CACNA1B: variants seen among roughly 807,000 people sequenced by gnomAD.
CACNA1B encodes the protein calcium voltage-gated channel subunit alpha1 B, also known as voltage-dependent N-type calcium channel subunit alpha-1B.
Under a neutral mutation model 247.2 loss-of-function variants are expected in CACNA1B, and 70 were observed. The observed-to-expected ratio is 0.28, with a 90% CI of 0.23 to 0.35. The LOEUF is 0.35. Among genes scored for constraint, CACNA1B ranks in the 10% least tolerant of loss-of-function variants. The pLI, the probability that CACNA1B is intolerant of heterozygous loss-of-function variation, is 1.00. For missense variants in CACNA1B, 2,367 were observed against 3,197.4 expected (o/e 0.74, Z 6.26); for synonymous variants, 1,231 against 1,294.4 (o/e 0.95, Z 1.05).
chr9:137,916,297 T>G (rs989169643), intron 5 of CACNA1B, among the ~76,000 whole-genome samples: 4 of 152,134 alleles, frequency 2.6e-5, no homozygotes, highest in Non-Finnish European at 5.9e-5. Flanking sequence ...CCTCCCAAAG[T>G]GCTAGGATTA....
intron 20 of CACNA1B, among the ~76,000 whole-genome samples, chr9:138,036,762 T>G (rs1959052239): frequency 6.6e-6 from 1 of 152,228 alleles, no homozygotes; most frequent in African/African-American, 2.4e-5. Flanking sequence ...GTGCTCCGTC[T>G]CCACCCACAT....
intron 6 of CACNA1B, among the ~76,000 whole-genome samples, chr9:137,924,291 G>A (rs1957525561): frequency 6.7e-6 from 1 of 148,522 alleles, no homozygotes; most frequent in Admixed American, 6.7e-5. Context: ...TGAGGTTTTT[G>A]CCTGCCTGCC....
rs1367848588 is a variant in CACNA1B, at chr9:137,913,225, G to A, written c.576G>A (p.Arg192=). Residue 192 remains arginine, a synonymous_variant, in exon 4 of 47, where the codon AGG becomes AGA. Coordinates refer to ENST00000371372, the MANE Select transcript of CACNA1B (RefSeq NM_000718.4). This position sits in a 1 kb window ranked among gnomAD's most constrained non-coding sequence, Gnocchi z 5.2. ...CTGACTTCGACCTGCGAACACTGAG[G>A]GCTGTGCGTGTGCTGAGGCCCCTGA... ...AGTDFDLRTL[R]AVRVLRPLKL... is the part of the protein sequence containing the mutation. 1.2e-6 allele frequency: 2 copies of A among 1,613,814 alleles called. No individual in the cohort carries two copies. The highest frequency in any genetic ancestry group is 1.7e-6 in the Non-Finnish European group (2 of 1,179,876).
chr9:138,052,984 G>A lies in CACNA1B; in HGVS notation c.3807+796G>A, dbSNP rs1361324435. Among the ~76,000 whole-genome samples the A allele has an allele frequency of 1.3e-4, 20 of 152,228 alleles. No homozygotes were observed. ...TCTTCCCAGCTCTGAGAGCAGCATT[G>A]TGTGCACAGGGAATGCTGAGCTTCC... is the stretch of plus-strand genomic sequence containing the variant. On this transcript the variant is annotated intron_variant, in intron 25 of 46. Transcript: ENST00000371372. The surrounding 1 kb of genome is among the most constrained non-coding windows in gnomAD (Gnocchi z 5.1).
chr9:137,935,122 C>G (rs1358590471), intron 6 of CACNA1B, among the ~76,000 whole-genome samples: 1 of 152,010 alleles, frequency 6.6e-6, no homozygotes, highest in Non-Finnish European at 1.5e-5. Flanking sequence ...TTTCATTATA[C>G]TTTAAGTTCT....
chr9:137,966,256 G>A (rs1428766869), intron 10 of CACNA1B, among the ~76,000 whole-genome samples: 1 of 137,822 alleles, frequency 7.3e-6, no homozygotes, highest in African/African-American at 2.7e-5. Context: ...ACAGAGTCTT[G>A]CTCTGTTGCC....
intron 3 of CACNA1B, among the ~76,000 whole-genome samples, chr9:137,906,032 C>T (rs1957295354): frequency 6.6e-6 from 1 of 152,202 alleles, no homozygotes; most frequent in Non-Finnish European, 1.5e-5. Context: ...CTGGAGGCCT[C>T]AGAGGCCCAG....
At position 137,891,813 on chromosome 9, in the gene CACNA1B, C is replaced by T. The variant is rs2133242922; in HGVS notation, c.530+8930C>T. 3 of 354,244 alleles carry T rather than the reference C, an allele frequency of 8.5e-6. No individual in the cohort carries two copies. Among genetic ancestry groups the T allele is most frequent in the Admixed American group, 7.6e-5 (2 of 26,348 alleles). The allele number at this position is 354,244 out of a possible 1,614,324, so 21.9% of individuals were successfully genotyped here. A position where few individuals can be genotyped will look rare whatever the true frequency, so the allele number is the denominator to read the frequency against. On this transcript the variant is annotated intron_variant, in intron 3 of 46. Transcript: ENST00000371372. The surrounding 1 kb of genome is among the most constrained non-coding windows in gnomAD (Gnocchi z 4.3). Reference sequence around the variant, plus strand: ...CCCCACACGTGCTGAAGCATCTCTACTCCAGCCAGACGGACGCTAACGCAG... The same window carrying T: ...CCCCACACGTGCTGAAGCATCTCTATTCCAGCCAGACGGACGCTAACGCAG...
intron 20 of CACNA1B, among the ~76,000 whole-genome samples, chr9:138,038,615 C>CCAGTCAGTCTGG (rs1959076391): frequency 2.0e-5 from 3 of 152,218 alleles, no homozygotes; most frequent in African/African-American, 7.2e-5. Flanking sequence ...GTCAGTACAA[C>CCAGTCAGTCTGG]CTTCTGGTTC....
At position 137,882,186 on chromosome 9, in the gene CACNA1B, C is replaced by A. The variant is rs925086411; in HGVS notation, c.391-558C>A. Among the ~76,000 whole-genome samples, 3 of 152,212 alleles carry A rather than the reference C, an allele frequency of 2.0e-5. No individual in the cohort carries two copies. Among genetic ancestry groups the A allele is most frequent in the Non-Finnish European group, 4.4e-5 (3 of 68,042 alleles). ...GGGCCTGGACTGAGTTCAAGAAAGC[C>A]TGAGCTGTATCCAGGCAACCTTGTG... is the stretch of plus-strand genomic sequence containing the variant. On this transcript the variant is annotated intron_variant, in intron 2 of 46. Coordinates refer to ENST00000371372, the MANE Select transcript of CACNA1B (RefSeq NM_000718.4). The surrounding 1 kb of genome is among the most constrained non-coding windows in gnomAD (Gnocchi z 4.0).
rs767632727 is a variant in CACNA1B at position 138,057,837 on chromosome 9, G to C, written c.4074G>C (p.Leu1358=). The part of the protein sequence containing the change: ...YDNVLWALLT[L]FTVSTGEGWP... ...ATGTGCTCTGGGCTCTGCTGACGCT[G>C]TTCACAGTGTCCACGGGAGAAGGCT... The change falls in exon 27 of 47, where the codon CTG becomes CTC. Residue 1358 remains leucine, a synonymous_variant. Transcript: ENST00000371372. The surrounding 1 kb of genome is among the most constrained non-coding windows in gnomAD (Gnocchi z 4.0). The C allele has an allele frequency of 1.9e-6, 3 of 1,608,900 alleles. No individual in the cohort carries two copies. The highest frequency in any genetic ancestry group is 1.1e-5 in the South Asian group (1 of 90,818).
At chr9:137,924,697 T>A (rs1280588438) in intron 6 of CACNA1B, among the ~76,000 whole-genome samples, 1 of 152,218 alleles carries the variant, frequency 6.6e-6, no homozygotes, top group Non-Finnish European at 1.5e-5. Context: ...TTAGATCATG[T>A]TTGATTTCTT....
chr9:138,098,994 G>T (rs1008530553), intron 37 of CACNA1B, among the ~76,000 whole-genome samples: 1 of 152,218 alleles, frequency 6.6e-6, no homozygotes, highest in African/African-American at 2.4e-5. Context: ...AGCCTTTTTG[G>T]TAGCCTCTGT....
chr9:137,949,342 AGT>A (rs370983302), intron 6 of CACNA1B, among the ~76,000 whole-genome samples: 8 of 4,730 alleles, frequency 1.7e-3, no homozygotes, highest in African/African-American at 5.5e-3. Flanking sequence ...GTAGGTGTGT[AGT>A]GTGTGTGTGT....
chr9:137,886,972 G>A (rs1957024383), intron 3 of CACNA1B, among the ~76,000 whole-genome samples: 1 of 150,732 alleles, frequency 6.6e-6, no homozygotes, highest in Non-Finnish European at 1.5e-5. Flanking sequence ...CGAGGGACAT[G>A]GGTGTCCCAG....
At chr9:137,910,551 T>A (rs1394788427) in intron 3 of CACNA1B, among the ~76,000 whole-genome samples, 1 of 152,164 alleles carries the variant, frequency 6.6e-6, no homozygotes, top group African/African-American at 2.4e-5. Flanking sequence ...CTCACCATAA[T>A]ATAGAGTCAG....
chr9:138,040,853 A>G (rs944523612), intron 20 of CACNA1B, among the ~76,000 whole-genome samples: 1 of 152,142 alleles, frequency 6.6e-6, no homozygotes, highest in South Asian at 2.1e-4. Context: ...CCTTCAATCC[A>G]ATCAAGTTGA....
At position 137,954,431 on chromosome 9, in the gene CACNA1B, A is replaced by C. The variant is rs1212405349; in HGVS notation, c.1071-1267A>C. Among the ~76,000 whole-genome samples, 1 of 152,216 alleles carries C rather than the reference A, an allele frequency of 6.6e-6. No individual in the cohort carries two copies. Among genetic ancestry groups the C allele is most frequent in the Non-Finnish European group, 1.5e-5 (1 of 68,030 alleles). On this transcript the variant is annotated intron_variant, in intron 7 of 46. Transcript: ENST00000371372. The surrounding 1 kb of genome is among the most constrained non-coding windows in gnomAD (Gnocchi z 4.1). ...CCTCTTCTCACCCAGCGAGGACAGA[A>C]GCTCAGGGAGGGCTGGCCCTGCTGC...
intron 41 of CACNA1B, 101 bp downstream of exon 41, chr9:138,114,591 A>G (rs527844697): frequency 3.2e-6 from 2 of 630,282 alleles, no homozygotes; most frequent in Admixed American, 2.8e-5. Flanking sequence ...CCATTCTTGG[A>G]AAAAGTATCT....
Sources: allele counts gnomAD v4.1 joint callset (sites outside exome capture counted in the v4.1 genomes callset), GRCh38; gene constraint gnomAD v4.1.1; non-coding constraint Gnocchi (gnomAD v3.1); transcripts MANE v1.5; gene names NCBI Gene and HGNC (gene_info 2026-07-23, HGNC 2026-07-21).